DNTT: variants seen among roughly 807,000 people sequenced by gnomAD.
DNTT encodes the protein DNA nucleotidylexotransferase.
DNTT carries 47 observed loss-of-function variants against 60.9 expected under a neutral mutation model. The observed-to-expected ratio is 0.77, with a 90% CI of 0.61 to 0.98. The LOEUF is 0.98. DNTT is among the 50% of genes least tolerant of loss of function. The pLI is 0.00. For synonymous variants in DNTT, 224 were observed against 221.2 expected (o/e 1.01, Z -0.11); for missense variants, 665 against 627.5 (o/e 1.06, Z -0.64).
At chr10:96,317,804 C>T (rs1360917281) in intron 1 of DNTT, among the ~76,000 whole-genome samples, 1 of 152,212 alleles carries the variant, frequency 6.6e-6, no homozygotes, top group Admixed American at 6.5e-5. Flanking sequence ...CAATAAGTTT[C>T]TGTTGTTTAT....
At chr10:96,325,911 C>T (rs959841065) in intron 6 of DNTT, among the ~76,000 whole-genome samples, 6 of 152,214 alleles carry the variant, frequency 3.9e-5, no homozygotes, top group Non-Finnish European at 5.9e-5. Flanking sequence ...GAGGCTTGAG[C>T]GTGCACATGC....
chr10:96,312,784 A>G (rs3789938), intron 1 of DNTT, among the ~76,000 whole-genome samples: 37,465 of 152,052 alleles, frequency 0.25, 5,526 homozygotes, highest in East Asian at 0.63. Context: ...ATTCTCCAGG[A>G]ATTCTGAAGT....
Position 96,320,914 on chromosome 10 carries a change from T to C in DNTT, c.678+126T>C, listed in dbSNP as rs77444866. On this transcript the variant is annotated intron_variant, in intron 4 of 10. Transcript: ENST00000371174. ...GGTGTACATCACAAATTTTCCTTTA[T>C]ACATATTCCTCTCTCTCTCCTCTGT... 4.5e-5 allele frequency: 51 copies of C among 1,128,618 alleles called. No individual in the cohort carries two copies. In the East Asian group the frequency reaches 1.3e-3, roughly 28 times the overall value. The allele number at this position is 1,128,618 out of a possible 1,614,324, so 69.9% of individuals were successfully genotyped here.
chr10:96,336,233 A>G (rs1845067590), intron 10 of DNTT, among the ~76,000 whole-genome samples: 1 of 152,240 alleles, frequency 6.6e-6, no homozygotes, highest in Non-Finnish European at 1.5e-5. Flanking sequence ...CCAGCAGTGA[A>G]CATTAACTGG....
intron 1 of DNTT, among the ~76,000 whole-genome samples, chr10:96,308,540 C>T (rs1201012388): frequency 1.3e-5 from 2 of 152,140 alleles, no homozygotes; most frequent in Non-Finnish European, 2.9e-5. Context: ...ATACGTGGAG[C>T]TATTTTAAAA....
At chr10:96,333,327 G>A (rs565376348) in intron 9 of DNTT, among the ~76,000 whole-genome samples, 1 of 152,330 alleles carries the variant, frequency 6.6e-6, no homozygotes, top group South Asian at 2.1e-4. Flanking sequence ...GCAGGTGTTA[G>A]TGAGGCTGTG....
At position 96,304,443 on chromosome 10, in the gene DNTT, C is replaced by T. The variant is rs962189183; in HGVS notation, c.-55C>T. 5.9e-5 allele frequency: 95 copies of T among 1,601,880 alleles called. No individual in the cohort carries two copies. Among genetic ancestry groups the T allele is most frequent in the African/African-American group, 1.5e-4 (11 of 74,636 alleles). ...CGTGTAGGAGGGTGGCAGTCTCCCTCCCTTCTGGAGACACCACCAGATGGG... is the reference window on the plus strand; with the variant it reads ...CGTGTAGGAGGGTGGCAGTCTCCCTTCCTTCTGGAGACACCACCAGATGGG... On this transcript the variant is annotated 5_prime_UTR_variant, in exon 1 of 11. Transcript: ENST00000371174.
At chr10:96,320,814 A>G in intron 4 of DNTT, 26 bp downstream of exon 4, 4 of 1,611,434 alleles carry the variant, frequency 2.5e-6, no homozygotes, top group Non-Finnish European at 3.4e-6. Flanking sequence ...GATTTGTCCC[A>G]CTTCCCAATA....
chr10:96,325,265 G>T (rs1221273243), intron 6 of DNTT, among the ~76,000 whole-genome samples: 1 of 152,136 alleles, frequency 6.6e-6, no homozygotes, highest in Admixed American at 6.5e-5. Context: ...TTGAAAGATT[G>T]CTAATAATAC....
chr10:96,329,724 C>T (rs1280965982), intron 8 of DNTT, among the ~76,000 whole-genome samples: 1 of 152,152 alleles, frequency 6.6e-6, no homozygotes, highest in Non-Finnish European at 1.5e-5. Flanking sequence ...GAATACTGGG[C>T]GTCGAGTCTT....
At chr10:96,331,420 G>A (rs549370643) in intron 8 of DNTT, among the ~76,000 whole-genome samples, 2 of 152,346 alleles carry the variant, frequency 1.3e-5, no homozygotes, top group East Asian at 3.9e-4. Context: ...CCAAGCATCT[G>A]CTTCTGGTGC....
intron 1 of DNTT, chr10:96,306,801 C>T (rs921151575): frequency 6.6e-6 from 1 of 152,184 alleles, no homozygotes; most frequent in African/African-American, 2.4e-5. Flanking sequence ...GCTCAGAAGA[C>T]ACATTAAATA....
intron 9 of DNTT, among the ~76,000 whole-genome samples, chr10:96,334,683 C>CT (rs1185899145): frequency 1.1e-4 from 17 of 152,152 alleles, no homozygotes; most frequent in African/African-American, 4.1e-4. Flanking sequence ...CAACTAAATG[C>CT]TTTTTTCATT....
chr10:96,318,228 C>A, intron 1 of DNTT, 124 bp from the exon 2 acceptor site: 1 of 1,146,856 alleles, frequency 8.7e-7, no homozygotes, highest in Non-Finnish European at 1.2e-6. Flanking sequence ...ATTCTCCACA[C>A]CTATGGTTAG....
intron 1 of DNTT, among the ~76,000 whole-genome samples, chr10:96,305,611 A>G (rs1319227382): frequency 2.0e-5 from 3 of 152,224 alleles, no homozygotes; most frequent in Non-Finnish European, 1.5e-5. Context: ...AAATAAATTG[A>G]CCACAAATTT....
intron 1 of DNTT, among the ~76,000 whole-genome samples, chr10:96,315,961 A>T (rs1047315006): frequency 6.6e-6 from 1 of 152,054 alleles, no homozygotes; most frequent in Non-Finnish European, 1.5e-5. Flanking sequence ...CTTTGCCATG[A>T]CTTATTTCTG....
At chr10:96,309,924 G>A (rs568729830) in intron 1 of DNTT, among the ~76,000 whole-genome samples, 2 of 152,322 alleles carry the variant, frequency 1.3e-5, no homozygotes, top group South Asian at 4.1e-4. Flanking sequence ...CCTTTGAGAT[G>A]TAAATCTTCT....
chr10:96,320,550 G>A (rs2133988714), intron 3 of DNTT, 68 bp from the exon 4 acceptor site: 3 of 1,570,774 alleles, frequency 1.9e-6, no homozygotes, highest in South Asian at 2.4e-5. Flanking sequence ...AGCAAGAGGC[G>A]TTTGTGAGTG....
intron 1 of DNTT, among the ~76,000 whole-genome samples, chr10:96,318,023 T>G (rs1844808925): frequency 6.6e-6 from 1 of 152,216 alleles, no homozygotes; most frequent in South Asian, 2.1e-4. Flanking sequence ...TGGAGCAGCA[T>G]GCCAAAACCT....
Sources: allele counts gnomAD v4.1 joint callset (sites outside exome capture counted in the v4.1 genomes callset), GRCh38; gene constraint gnomAD v4.1.1; transcripts MANE v1.5; gene names NCBI Gene and HGNC (gene_info 2026-07-23, HGNC 2026-07-21).